OCA2: variants seen among roughly 807,000 people sequenced by gnomAD.
OCA2 encodes the protein OCA2 melanosomal transmembrane protein.
Under a neutral mutation model 100.2 loss-of-function variants are expected in OCA2, and 77 were observed. The ratio of observed to expected loss-of-function variants is 0.77; its 90% CI spans 0.64 to 0.93. The LOEUF (loss-of-function observed/expected upper bound fraction) is 0.93. Ranked by LOEUF, OCA2 falls within the 40% of genes least tolerant of loss-of-function variation. The pLI, the probability that OCA2 is intolerant of heterozygous loss-of-function variation, is 0.00. For synonymous variants in OCA2, 432 were observed against 439.2 expected, an observed-to-expected ratio of 0.98 and a Z score of 0.21; for missense variants, 1,062 against 1,089.1, an observed-to-expected ratio of 0.98 and a Z score of 0.35.
intron 9 of OCA2, among the ~76,000 whole-genome samples, chr15:28,007,453 G>A (rs978460319): frequency 6.6e-6 from 1 of 152,150 alleles, no homozygotes; most frequent in African/African-American, 2.4e-5. Context: ...AGGATGGGCC[G>A]GGCATGGTGG....
intron 15 of OCA2, among the ~76,000 whole-genome samples, chr15:27,961,119 C>CAAATGG (rs2040397666): frequency 6.6e-6 from 1 of 151,868 alleles, no homozygotes; most frequent in South Asian, 2.1e-4. Flanking sequence ...AAAAACAACC[C>CAAATGG]CATCAAAAAG....
intron 9 of OCA2, among the ~76,000 whole-genome samples, chr15:28,012,499 T>G (rs1236232190): frequency 6.6e-6 from 1 of 152,148 alleles, no homozygotes; most frequent in Non-Finnish European, 1.5e-5. Context: ...GTGTGGCTGG[T>G]TTCTGTGTGG....
rs200822971 is a variant in OCA2 at position 27,842,781 on chromosome 15, C to T, written c.2432+2178G>A. Among the ~76,000 whole-genome samples, 12 of 152,304 alleles carry T rather than the reference C, an allele frequency of 7.9e-5. No homozygotes were observed. The East Asian group carries it at 2.3e-3, about 29-fold the overall frequency. On this transcript the variant is annotated intron_variant, in intron 23 of 23. Transcript: ENST00000354638. The stretch of plus-strand genomic sequence containing the variant: ...TCTTGCCCAAGCTTTCTGAGGCCAC[C>T]GACTTCCTGTCATACTAGCTGTTCA...
chr15:28,021,622 G>A (rs1413766955), intron 6 of OCA2, among the ~76,000 whole-genome samples: 1 of 152,170 alleles, frequency 6.6e-6, no homozygotes, highest in African/African-American at 2.4e-5. Context: ...CCCAGCGGAC[G>A]CTCCCCAGGA....
At chr15:27,934,760 A>G (rs2039390118) in intron 18 of OCA2, among the ~76,000 whole-genome samples, 1 of 152,110 alleles carries the variant, frequency 6.6e-6, no homozygotes, top group African/African-American at 2.4e-5. Context: ...CTGCTATAGC[A>G]CTCATCCATC....
intron 14 of OCA2, among the ~76,000 whole-genome samples, chr15:27,968,797 AG>A (rs2040668467): frequency 6.6e-6 from 1 of 152,186 alleles, no homozygotes; most frequent in Non-Finnish European, 1.5e-5. Flanking sequence ...AACCACACAG[AG>A]GCGGGACTCA....
At chr15:27,980,431 A>AG (rs2041122306) in intron 14 of OCA2, among the ~76,000 whole-genome samples, 1 of 152,122 alleles carries the variant, frequency 6.6e-6, no homozygotes, top group Non-Finnish European at 1.5e-5. Context: ...ACGGCCAGTA[A>AG]TTTTTTAAAT....
intron 1 of OCA2, among the ~76,000 whole-genome samples, chr15:28,086,043 G>A (rs770486061): frequency 1.2e-4 from 19 of 152,158 alleles, no homozygotes; most frequent in Non-Finnish European, 1.8e-4. Flanking sequence ...GGGATGCTTC[G>A]CAAAAGGCTG....
intron 23 of OCA2, among the ~76,000 whole-genome samples, chr15:27,785,645 A>G (rs972835096): frequency 2.0e-5 from 3 of 152,168 alleles, no homozygotes; most frequent in African/African-American, 7.2e-5. Flanking sequence ...AGCTAGGGGG[A>G]GTGTAATATT....
intron 2 of OCA2, among the ~76,000 whole-genome samples, chr15:28,045,433 A>G (rs886610836): frequency 1.3e-5 from 2 of 152,170 alleles, no homozygotes; most frequent in African/African-American, 4.8e-5. Flanking sequence ...TTTACATGTG[A>G]TATGAGACGC....
chr15:28,016,145 G>A lies in OCA2; in HGVS notation c.849C>T (p.Ser283=), dbSNP rs143320446. 3.7e-6 allele frequency: 6 copies of A among 1,613,980 alleles called. No homozygotes were observed. Among genetic ancestry groups the A allele is most frequent in the East Asian group, 2.2e-5 (1 of 44,888 alleles). Residue 283 remains serine, a synonymous_variant, in exon 8 of 24, where the codon AGC becomes AGT. Transcript: ENST00000354638. ...NWTVYLNPRR[S]EHSVMSRTFE... is the part of the protein sequence containing the mutation. ...AGGTCCTGCTCATCACTGAGTGCTC[G>A]CTTCTCCTCGGATTTAAATACACCG...
At chr15:28,061,917 G>T (rs1335459989) in intron 2 of OCA2, among the ~76,000 whole-genome samples, 1 of 152,056 alleles carries the variant, frequency 6.6e-6, no homozygotes, top group Non-Finnish European at 1.5e-5. Context: ...TATTTTTATG[G>T]GAACTATGTT....
chr15:28,047,161 C>G (rs1345387388), intron 2 of OCA2, among the ~76,000 whole-genome samples: 1 of 152,144 alleles, frequency 6.6e-6, no homozygotes, highest in East Asian at 1.9e-4. Context: ...TCACCTCATT[C>G]TCTCCCACCA....
chr15:27,904,763 C>T (rs1487313909), intron 19 of OCA2, among the ~76,000 whole-genome samples: 9 of 152,106 alleles, frequency 5.9e-5, no homozygotes, highest in Non-Finnish European at 1.3e-4. Flanking sequence ...CAGCACCCCC[C>T]ACCTCCTCAA....
chr15:28,024,836 G>C lies in OCA2; in HGVS notation c.573+9C>G. 1 of 1,614,188 alleles carries C rather than the reference G, an allele frequency of 6.2e-7. No individual in the cohort carries two copies. Among genetic ancestry groups the C allele is most frequent in the Non-Finnish European group, 8.5e-7 (1 of 1,179,994 alleles). ...CCAACAGTAGTGCTGGGGCAGCTAAGGTACTCACAGAACACAGCACCACAA... is the reference window on the plus strand; with the variant it reads ...CCAACAGTAGTGCTGGGGCAGCTAACGTACTCACAGAACACAGCACCACAA... On this transcript the variant is annotated intron_variant, in intron 5 of 23. Transcript: ENST00000354638.
At chr15:27,851,247 A>G in intron 22 of OCA2, 135 bp downstream of exon 22, 2 of 785,510 alleles carry the variant, frequency 2.5e-6, no homozygotes, top group South Asian at 1.5e-5. Context: ...TCAAAGCTGA[A>G]TATGTGTGTC....
chr15:28,028,678 G>T (rs1595851188), intron 3 of OCA2, among the ~76,000 whole-genome samples: 1 of 152,152 alleles, frequency 6.6e-6, no homozygotes, highest in East Asian at 1.9e-4. Flanking sequence ...GATTTTTGTT[G>T]TTGTTGTTGT....
intron 23 of OCA2, among the ~76,000 whole-genome samples, chr15:27,810,799 T>C (rs1469857608): frequency 6.6e-6 from 1 of 152,064 alleles, no homozygotes; most frequent in Non-Finnish European, 1.5e-5. Flanking sequence ...ATGAAGGAAA[T>C]GCAAATCAAA....
intron 2 of OCA2, among the ~76,000 whole-genome samples, chr15:28,035,633 T>A (rs547085829): frequency 6.6e-6 from 1 of 152,324 alleles, no homozygotes; most frequent in South Asian, 2.1e-4. Flanking sequence ...TCCTGACTTT[T>A]CCTCTTCTGA....
Sources: gnomAD v4.1 joint callset for allele counts (sites outside exome capture counted in the v4.1 genomes callset) on GRCh38, gnomAD v4.1.1 for gene constraint, MANE v1.5 for transcripts, NCBI Gene and HGNC (gene_info 2026-07-23, HGNC 2026-07-21) for gene names.